ANKS1B: variants seen among roughly 807,000 people sequenced by gnomAD.
The protein encoded by ANKS1B is ankyrin repeat and sterile alpha motif domain-containing protein 1B.
A neutral mutation model predicts 148.3 loss-of-function variants in ANKS1B; 36 were observed. The observed-to-expected ratio is 0.24, with a 90% CI of 0.19 to 0.32. The LOEUF (loss-of-function observed/expected upper bound fraction) is 0.32. Among genes scored for constraint, ANKS1B ranks in the 10% least tolerant of loss-of-function variants. ANKS1B has a pLI of 1.00. For missense variants in ANKS1B, 1,157 were observed against 1,542.6 expected (o/e 0.75, Z 4.19); for synonymous variants, 542 against 560.8 (o/e 0.97, Z 0.47).
chr12:99,863,541 C>T (rs2090318852), intron 1 of ANKS1B, among the ~76,000 whole-genome samples: 1 of 151,662 alleles, frequency 6.6e-6, no homozygotes, highest in Admixed American at 6.6e-5. Flanking sequence ...CGGTGAAATC[C>T]CATTTCTACT....
chr12:98,858,147 C>T (rs1034023502), intron 17 of ANKS1B, among the ~76,000 whole-genome samples: 4 of 152,154 alleles, frequency 2.6e-5, no homozygotes, highest in African/African-American at 9.7e-5. Context: ...CTTCAGGTCA[C>T]AGTTGGGACC....
At chr12:98,853,659 T>G (rs2099545138) in intron 17 of ANKS1B, among the ~76,000 whole-genome samples, 1 of 152,242 alleles carries the variant, frequency 6.6e-6, no homozygotes, top group Non-Finnish European at 1.5e-5. Flanking sequence ...AGATCCCCCC[T>G]GCTACTCTCT....
chr12:98,914,824 C>G (rs2099791964), intron 17 of ANKS1B, among the ~76,000 whole-genome samples: 1 of 152,162 alleles, frequency 6.6e-6, no homozygotes, highest in African/African-American at 2.4e-5. Flanking sequence ...TGAAGCTTTC[C>G]TTGACCACTC....
At position 98,750,253 on chromosome 12, in the gene ANKS1B, G is replaced by A. The variant is rs764917762; in HGVS notation, c.3747+1102C>T. On this transcript the variant is annotated intron_variant, in intron 26 of 26. Coordinates refer to ENST00000683438, the MANE Select transcript of ANKS1B (RefSeq NM_001352186.2). ...GCATCGGAAGAAAGACTTCAGAGGA[G>A]ATACAGCTCCTGGGGATGGCTGGTA... Among the ~76,000 whole-genome samples the A allele has an allele frequency of 5.4e-4, 82 of 152,110 alleles. 1 individual carries two copies. The highest frequency in any genetic ancestry group is 8.1e-4 in the Non-Finnish European group (55 of 68,012).
intron 8 of ANKS1B, among the ~76,000 whole-genome samples, chr12:99,697,623 A>G (rs1198602599): frequency 6.6e-6 from 1 of 152,138 alleles, no homozygotes; most frequent in African/African-American, 2.4e-5. Context: ...AAAGGTTTTT[A>G]GGGTAGTGAA....
chr12:99,958,445 C>T (rs138919360), intron 1 of ANKS1B, among the ~76,000 whole-genome samples: 4,066 of 152,126 alleles, frequency 0.027, 181 homozygotes, highest in African/African-American at 0.087. Flanking sequence ...TGCAGTGGCA[C>T]GATCTCAGCT....
intron 8 of ANKS1B, among the ~76,000 whole-genome samples, chr12:99,710,111 C>T (rs2056421860): frequency 6.6e-6 from 1 of 152,118 alleles, no homozygotes; most frequent in Admixed American, 6.5e-5. Flanking sequence ...AATTTTCCAG[C>T]TCATGCCACT....
intron 11 of ANKS1B, among the ~76,000 whole-genome samples, chr12:99,403,152 CTTTTTTTTT>C (rs143800860): frequency 6.8e-5 from 5 of 73,150 alleles, no homozygotes; most frequent in African/African-American, 3.3e-4. Flanking sequence ...ACTTTTCTTT[CTTTTTTTTT>C]TTTTTTTTTT....
At chr12:99,699,551 A>G (rs2054483741) in intron 8 of ANKS1B, among the ~76,000 whole-genome samples, 1 of 152,166 alleles carries the variant, frequency 6.6e-6, no homozygotes, top group Non-Finnish European at 1.5e-5. Context: ...CAGAATGAAA[A>G]CAATACCCTT....
At chr12:99,578,065 T>C (rs896977222) in intron 9 of ANKS1B, among the ~76,000 whole-genome samples, 15 of 152,106 alleles carry the variant, frequency 9.9e-5, no homozygotes, top group Admixed American at 2.0e-4. Context: ...GTTAGTTCAA[T>C]ATGCACAAAT....
intron 14 of ANKS1B, among the ~76,000 whole-genome samples, chr12:99,184,286 C>CT: frequency 6.6e-6 from 1 of 152,084 alleles, no homozygotes; most frequent in South Asian, 2.1e-4. Context: ...GTTATTGAGC[C>CT]ATAGACTATT....
chr12:99,666,049 G>A (rs547751407), intron 8 of ANKS1B, among the ~76,000 whole-genome samples: 2 of 152,280 alleles, frequency 1.3e-5, no homozygotes, highest in African/African-American at 2.4e-5. Context: ...AGTAGAAGTA[G>A]TCAGCCCCAT....
At position 99,016,146 on chromosome 12, in the gene ANKS1B, T is replaced by C. The variant is rs554370379; in HGVS notation, c.2778+37011A>G. Reference sequence around the variant, plus strand: ...TTCATTTGCAGGAAGGACAATCTTATACTTACCAGAAAACTACAGCTAACA... The same window carrying C: ...TTCATTTGCAGGAAGGACAATCTTACACTTACCAGAAAACTACAGCTAACA... On this transcript the variant is annotated intron_variant, in intron 17 of 26. Coordinates refer to ENST00000683438, the MANE Select transcript of ANKS1B (RefSeq NM_001352186.2). Among the ~76,000 whole-genome samples, 80 of 152,346 alleles carry C rather than the reference T, an allele frequency of 5.3e-4. 1 individual carries two copies. The highest frequency in any genetic ancestry group is 1.9e-3 in the African/African-American group (80 of 41,586).
At chr12:99,044,511 G>C (rs958304364) in intron 17 of ANKS1B, among the ~76,000 whole-genome samples, 4 of 152,130 alleles carry the variant, frequency 2.6e-5, no homozygotes, top group African/African-American at 9.7e-5. Context: ...AGAGTCCAGG[G>C]CAGGTGAATG....
In ANKS1B at chr12:99,581,686, C is replaced by A. The variant is rs190415210; in HGVS notation, c.1272+73381G>T. Among the ~76,000 whole-genome samples the A allele has an allele frequency of 1.3e-4, 19 of 150,974 alleles. No individual in the cohort carries two copies. The East Asian group carries it at 2.0e-3, about 16-fold the overall frequency. On this transcript the variant is annotated intron_variant, in intron 9 of 26. Coordinates refer to ENST00000683438, the MANE Select transcript of ANKS1B (RefSeq NM_001352186.2). ...CGGGTGGATCATGAGGTCAGGAGAT[C>A]GAGACCATCCTGGCTAACAAGGTGA...
At chr12:99,151,446 T>G (rs1281207011) in intron 15 of ANKS1B, among the ~76,000 whole-genome samples, 1 of 151,610 alleles carries the variant, frequency 6.6e-6, no homozygotes, top group Non-Finnish European at 1.5e-5. Context: ...GAGAATCGCT[T>G]GAACTGGAAA....
intron 17 of ANKS1B, among the ~76,000 whole-genome samples, chr12:98,894,348 C>A (rs2099758988): frequency 6.6e-6 from 1 of 151,966 alleles, no homozygotes; most frequent in African/African-American, 2.4e-5. Context: ...CTCCTCGGAA[C>A]CCCAAGAATG....
At chr12:98,811,076 C>G (rs1477725271) in intron 19 of ANKS1B, among the ~76,000 whole-genome samples, 3 of 149,864 alleles carry the variant, frequency 2.0e-5, no homozygotes, top group Non-Finnish European at 4.4e-5. Context: ...GGCAGCCGCA[C>G]TGCTTTTCAG....
intron 4 of ANKS1B, among the ~76,000 whole-genome samples, chr12:99,786,285 T>C (rs1319714824): frequency 6.6e-6 from 1 of 152,092 alleles, no homozygotes; most frequent in Non-Finnish European, 1.5e-5. Context: ...GGACAGAAAG[T>C]ATGAACCCCA....
Sources: allele counts gnomAD v4.1 joint callset (sites outside exome capture counted in the v4.1 genomes callset), GRCh38; gene constraint gnomAD v4.1.1; transcripts MANE v1.5; gene names NCBI Gene and HGNC (gene_info 2026-07-23, HGNC 2026-07-21).